The following KIF1B variants were observed in gnomAD, a reference collection of about 807,000 sequenced individuals.
KIF1B encodes the protein kinesin family member 1B.
KIF1B carries 76 observed loss-of-function variants against 241.9 expected under a neutral mutation model. The observed-to-expected ratio is 0.31, with a 90% CI of 0.26 to 0.38. The LOEUF is 0.38. Ranked by LOEUF, KIF1B falls within the 10% of genes least tolerant of loss-of-function variation. KIF1B has a pLI of 1.00. For synonymous variants in KIF1B, 750 were observed against 796.7 expected (o/e 0.94, Z 0.99); for missense variants, 1,622 against 2,271.4 (o/e 0.71, Z 5.81).
chr1:10,279,871 A>G (rs1649319710), intron 14 of KIF1B, among the ~76,000 whole-genome samples: 1 of 151,336 alleles, frequency 6.6e-6, no homozygotes, highest in South Asian at 2.1e-4. Flanking sequence ...TAATTTTTTA[A>G]TTTTTTATTT....
intron 10 of KIF1B, 35 bp from the exon 11 acceptor site, chr1:10,275,393 G>A (rs755050899): frequency 2.7e-5 from 34 of 1,272,360 alleles, no homozygotes; most frequent in Admixed American, 1.0e-4. Flanking sequence ...TTTCCCTAAC[G>A]AAAAATGCTA....
In KIF1B at chr1:10,346,070, T is replaced by C. The variant is rs1652577171; in HGVS notation, c.3797+117T>C. ...CATTGTCACTGTCAAATTCCAGGGA[T>C]GGTTTTGTTTTTGTTTTTGTTTTAA... On this transcript the variant is annotated intron_variant, in intron 35 of 48. Transcript: ENST00000676179. The C allele has an allele frequency of 3.8e-6, 3 of 784,708 alleles. No individual in the cohort carries two copies. The Admixed American group carries it at 6.2e-5, about 16-fold the overall frequency. 48.6% of individuals were successfully genotyped at this position (784,708 alleles called of 1,614,324 possible). A position where few individuals can be genotyped will look rare whatever the true frequency, so the allele number is the denominator to read the frequency against.
chr1:10,236,686 A>G (rs1377797188), intron 2 of KIF1B, among the ~76,000 whole-genome samples: 2 of 152,174 alleles, frequency 1.3e-5, no homozygotes, highest in Non-Finnish European at 2.9e-5. Flanking sequence ...TGCATTTTCC[A>G]TGTTCTACTT....
intron 22 of KIF1B, among the ~76,000 whole-genome samples, chr1:10,311,100 C>T (rs906825260): frequency 6.6e-6 from 1 of 151,412 alleles, no homozygotes; most frequent in African/African-American, 2.5e-5. Flanking sequence ...ACATTTACCC[C>T]CTTCTCTTTT....
At chr1:10,222,219 A>G (rs1238011461) in intron 1 of KIF1B, among the ~76,000 whole-genome samples, 7 of 152,236 alleles carry the variant, frequency 4.6e-5, no homozygotes, top group African/African-American at 1.7e-4. Context: ...ATCCTGCTCC[A>G]TGGTCTCATT....
At chr1:10,321,383 C>A (rs1018696693) in intron 23 of KIF1B, among the ~76,000 whole-genome samples, 2 of 152,054 alleles carry the variant, frequency 1.3e-5, no homozygotes, top group Admixed American at 6.6e-5. Flanking sequence ...GGATTATAGA[C>A]GTGAGCCACT....
At chr1:10,217,760 T>C (rs1646787985) in intron 1 of KIF1B, among the ~76,000 whole-genome samples, 2 of 151,642 alleles carry the variant, frequency 1.3e-5, no homozygotes, top group Non-Finnish European at 2.9e-5. Flanking sequence ...CAGCAATCCT[T>C]CCCACCACCA....
intron 43 of KIF1B, among the ~76,000 whole-genome samples, chr1:10,366,713 CTGTAATCCCACCACTTTG>C (rs1245645043): frequency 2.0e-5 from 3 of 152,336 alleles, no homozygotes; most frequent in Middle Eastern, 6.8e-3. Flanking sequence ...TGGCTCACGC[CTGTAATCCCACCACTTTG>C]AGAGGCCGAG....
At chr1:10,338,745 C>A (rs1207238623) in intron 31 of KIF1B, among the ~76,000 whole-genome samples, 1 of 152,222 alleles carries the variant, frequency 6.6e-6, no homozygotes, top group African/African-American at 2.4e-5. Flanking sequence ...TTTATAGTCG[C>A]TCCTCTGGCC....
At chr1:10,224,299 G>A (rs901704351) in intron 1 of KIF1B, among the ~76,000 whole-genome samples, 1 of 152,046 alleles carries the variant, frequency 6.6e-6, no homozygotes, top group African/African-American at 2.4e-5. Flanking sequence ...TGTATTTTTA[G>A]TAGAGATGGG....
At chr1:10,292,312 C>A in intron 17 of KIF1B, 190 bp downstream of exon 17, 1 of 588,210 alleles carries the variant, frequency 1.7e-6, no homozygotes, top group Non-Finnish European at 3.0e-6. Flanking sequence ...TTCTAAAATG[C>A]CTATCTTGTT....
chr1:10,268,366 G>T (rs554773193), intron 7 of KIF1B, 103 bp downstream of exon 7: 1 of 783,280 alleles, frequency 1.3e-6, no homozygotes, highest in African/African-American at 1.7e-5. Context: ...GTGTTGGGGG[G>T]TGCTCTTTTA....
intron 22 of KIF1B, among the ~76,000 whole-genome samples, chr1:10,317,743 A>C (rs1651361389): frequency 6.6e-6 from 1 of 150,928 alleles, no homozygotes. Flanking sequence ...AGGCAGGAGA[A>C]TCGCTTGAAC....
intron 1 of KIF1B, among the ~76,000 whole-genome samples, chr1:10,215,806 T>G (rs1004780085): frequency 6.6e-6 from 1 of 150,778 alleles, no homozygotes; most frequent in Non-Finnish European, 1.5e-5. Flanking sequence ...ACCTCAGTCT[T>G]CCAAAGTGGG....
At chr1:10,332,334 G>A (rs1345365317) in intron 27 of KIF1B, among the ~76,000 whole-genome samples, 1 of 151,794 alleles carries the variant, frequency 6.6e-6, no homozygotes, top group Non-Finnish European at 1.5e-5. Flanking sequence ...CCAAAATGCT[G>A]GGATTACAGA....
Position 10,380,355 on chromosome 1 carries a change from TAGGTCTTTC to T in KIF1B, c.*3771_*3779del, listed in dbSNP as rs1021433172. 1 of 203,928 alleles carries T rather than the reference TAGGTCTTTC, an allele frequency of 4.9e-6. No homozygotes were observed. The highest frequency in any genetic ancestry group is 1.0e-5 in the Non-Finnish European group (1 of 99,278). The allele number at this position is 203,928 out of a possible 1,614,324, so 12.6% of individuals were successfully genotyped here. A position where few individuals can be genotyped will look rare whatever the true frequency, so the allele number is the denominator to read the frequency against. Reference sequence around the variant, plus strand: ...GGACAGTATCAGGGCTTGTTTGACTTAGGTCTTTCAGTTTTCCTTTCGGTTCCCTTTTAA... The same window carrying T: ...GGACAGTATCAGGGCTTGTTTGACTTAGTTTTCCTTTCGGTTCCCTTTTAA... On this transcript the variant is annotated 3_prime_UTR_variant, in exon 49 of 49. Coordinates refer to ENST00000676179, the MANE Select transcript of KIF1B (RefSeq NM_001365951.3).
chr1:10,253,394 A>G (rs1647579977), intron 2 of KIF1B, among the ~76,000 whole-genome samples: 1 of 152,252 alleles, frequency 6.6e-6, no homozygotes, highest in Non-Finnish European at 1.5e-5. Context: ...TAATCCCAGC[A>G]CTTTGGGAAG....
At chr1:10,277,261 C>T (rs968864910) in intron 12 of KIF1B, among the ~76,000 whole-genome samples, 4 of 150,118 alleles carry the variant, frequency 2.7e-5, no homozygotes, top group African/African-American at 9.8e-5. Flanking sequence ...GCCCAGGCAA[C>T]GTAGTGAGAC....
intron 31 of KIF1B, among the ~76,000 whole-genome samples, chr1:10,339,552 G>C (rs1030672390): frequency 3.3e-5 from 5 of 152,182 alleles, no homozygotes; most frequent in African/African-American, 1.2e-4. Flanking sequence ...ATAGCTAAGT[G>C]ATCAGGGTCA....
Sources: gnomAD v4.1 joint callset for allele counts (sites outside exome capture counted in the v4.1 genomes callset) on GRCh38, gnomAD v4.1.1 for gene constraint, MANE v1.5 for transcripts, NCBI Gene and HGNC (gene_info 2026-07-23, HGNC 2026-07-21) for gene names.